The following CRELD2 variants were observed in gnomAD, a reference collection of about 807,000 sequenced individuals.
CRELD2 encodes CRELD disulfide isomerase 2, also known as protein disulfide isomerase CRELD2.
Under a neutral mutation model 48.1 loss-of-function variants are expected in CRELD2, and 33 were observed. The observed-to-expected ratio is 0.69, with a 90% CI of 0.52 to 0.92. The LOEUF (loss-of-function observed/expected upper bound fraction) is 0.92. Among genes scored for constraint, CRELD2 ranks in the 40% least tolerant of loss-of-function variants. The pLI is 0.00. For missense variants in CRELD2, 477 were observed against 482.4 expected, an observed-to-expected ratio of 0.99 and a Z score of 0.10; for synonymous variants, 220 against 203.9, an observed-to-expected ratio of 1.08 and a Z score of -0.67.
rs2060780041 is a variant in CRELD2 at position 49,927,388 on chromosome 22, G to C, written c.*81G>C. 1 of 1,171,334 alleles carries C rather than the reference G, an allele frequency of 8.5e-7. No homozygotes were observed. The highest frequency in any genetic ancestry group is 1.3e-6 in the Non-Finnish European group (1 of 779,158). The allele number at this position is 1,171,334 out of a possible 1,614,324, so 72.6% of individuals were successfully genotyped here. On this transcript the variant is annotated 3_prime_UTR_variant, in exon 10 of 10. Coordinates refer to ENST00000328268, the MANE Select transcript of CRELD2 (RefSeq NM_024324.5). ...CCTGAGGATGCCGTCTCCTGCAGTG[G>C]ACAGCGGCGGGGAGAGGCTGCCTGC... is the stretch of plus-strand genomic sequence containing the variant.
chr22:49,923,614 G>A (rs1191111748), intron 7 of CRELD2: 11 of 518,768 alleles, frequency 2.1e-5, no homozygotes, highest in South Asian at 1.0e-4. Context: ...TTTCCGCAGC[G>A]CCTGTCGGGT....
chr22:49,922,322 C>T (rs768318700), intron 5 of CRELD2: 1 of 1,238,818 alleles, frequency 8.1e-7, no homozygotes, highest in Non-Finnish European at 1.1e-6. Context: ...CCGATTCTTA[C>T]CCGCCTTGCT....
intron 9 of CRELD2, 126 bp downstream of exon 9, chr22:49,925,683 C>T (rs747063338): frequency 9.2e-6 from 14 of 1,522,670 alleles, no homozygotes; most frequent in African/African-American, 4.1e-5. Context: ...GGGGGATTCC[C>T]GGAAGACAGG....
Position 49,918,681 on chromosome 22 carries a change from G to T in CRELD2, c.-89G>T, listed in dbSNP as rs568599282. The T allele has an allele frequency of 3.3e-4, 147 of 440,882 alleles. No individual in the cohort carries two copies. The highest frequency in any genetic ancestry group is 5.0e-4 in the Non-Finnish European group (138 of 273,958). The allele number at this position is 440,882 out of a possible 1,614,324, so 27.3% of individuals were successfully genotyped here. A position where few individuals can be genotyped will look rare whatever the true frequency, so the allele number is the denominator to read the frequency against. On this transcript the variant is annotated 5_prime_UTR_variant, in exon 1 of 10. Transcript: ENST00000328268. ...GTAGCCTGGGGGACAGGCCGGCGCGGCTGGGAGCGGGTGGGCGGCCGGGAG... is the reference window on the plus strand; with the variant it reads ...GTAGCCTGGGGGACAGGCCGGCGCGTCTGGGAGCGGGTGGGCGGCCGGGAG...
chr22:49,921,572 G>T lies in CRELD2; in HGVS notation c.416-13G>T. The stretch of plus-strand genomic sequence containing the variant: ...CCAGGTGTGCTCTGAGCATGGTTTT[G>T]TGTCCCCTAAAGCATGCCAGGGCGG... On this transcript the variant is annotated splice_polypyrimidine_tract_variant and intron_variant, in intron 4 of 9. Transcript: ENST00000328268. 2 of 1,609,742 alleles carry T rather than the reference G, an allele frequency of 1.2e-6. No individual in the cohort carries two copies. The highest frequency in any genetic ancestry group is 1.7e-6 in the Non-Finnish European group (2 of 1,177,926).
intron 7 of CRELD2, 71 bp from the exon 8 acceptor site, chr22:49,924,289 G>T: frequency 1.8e-6 from 2 of 1,103,162 alleles, no homozygotes; most frequent in Non-Finnish European, 2.7e-6. Context: ...CCGGTGCCTT[G>T]TGCATGTCGG....
rs1001765080 is a variant in CRELD2, at chr22:49,922,750, C to G, written c.688+43C>G. On this transcript the variant is annotated intron_variant, in intron 6 of 9. Coordinates refer to ENST00000328268, the MANE Select transcript of CRELD2 (RefSeq NM_024324.5). ...GGTGGAGGAGGGCGCCTGCGTGAGG[C>G]GTGGGGGGTGTGAGATGGGGGCGTA... The G allele has an allele frequency of 1.8e-5, 13 of 741,702 alleles. No individual in the cohort carries two copies. The South Asian group carries it at 2.0e-4, about 11-fold the overall frequency. The allele number at this position is 741,702 out of a possible 1,614,324, so 45.9% of individuals were successfully genotyped here.
chr22:49,924,666 G>A (rs985618211), intron 8 of CRELD2: 4 of 420,394 alleles, frequency 9.5e-6, no homozygotes, highest in Non-Finnish European at 1.7e-5. Context: ...GCCGACCCTG[G>A]TGTGGATGGC....
At chr22:49,923,523 G>A (rs2060724607) in intron 7 of CRELD2, 4 of 679,284 alleles carry the variant, frequency 5.9e-6, no homozygotes, top group Non-Finnish European at 8.1e-6. Flanking sequence ...TAAAAACCCA[G>A]GAACTCCCTG....
chr22:49,924,086 G>T, intron 7 of CRELD2: 2 of 311,708 alleles, frequency 6.4e-6, no homozygotes, highest in Admixed American at 4.6e-5. Flanking sequence ...AGCTGGAGGT[G>T]GGTTTGTTTC....
chr22:49,923,329 G>A lies in CRELD2; in HGVS notation c.772+12G>A, dbSNP rs368284445. 70 of 1,425,798 alleles carry A rather than the reference G, an allele frequency of 4.9e-5. No individual in the cohort carries two copies. Among genetic ancestry groups the A allele is most frequent in the African/African-American group, 5.8e-5 (3 of 52,074 alleles). 88.3% of individuals were successfully genotyped at this position (1,425,798 alleles called of 1,614,324 possible). The stretch of plus-strand genomic sequence containing the variant: ...CTACACGTGCGAAGGTGGGCCAGGC[G>A]GGCGGGTCTGCACTCCGGGGCCTGC... On this transcript the variant is annotated intron_variant, in intron 7 of 9. Transcript: ENST00000328268.
chr22:49,926,797 T>TC (rs1324004726), intron 9 of CRELD2, among the ~76,000 whole-genome samples: 1 of 3,614 alleles, frequency 2.8e-4, no homozygotes, highest in African/African-American at 1.3e-3. Context: ...TGCCCCTCCC[T>TC]CCCCCCACCC....
At chr22:49,925,358 TA>T in intron 8 of CRELD2, 58 bp from the exon 9 acceptor site, 1 of 1,101,812 alleles carries the variant, frequency 9.1e-7, no homozygotes, top group Non-Finnish European at 1.3e-6. Context: ...ATGAATTTCA[TA>T]ATCCGCTGCG....
rs775052246 is a variant in CRELD2, at chr22:49,924,458, C to A, written c.868+3C>A. 6.3e-7 allele frequency: 1 copy of A among 1,597,560 alleles called. No homozygotes were observed. Among genetic ancestry groups the A allele is most frequent in the Non-Finnish European group, 8.5e-7 (1 of 1,170,612 alleles). On this transcript the variant is annotated splice_donor_region_variant and intron_variant, in intron 8 of 9. Coordinates refer to ENST00000328268, the MANE Select transcript of CRELD2 (RefSeq NM_024324.5). ...GAGGGAGCACGGACAGTGTGCAGGT[C>A]AGTGACGGGGTCTGTGCTGGACGCT...
At chr22:49,923,806 A>T in intron 7 of CRELD2, 1 of 265,916 alleles carries the variant, frequency 3.8e-6, no homozygotes, top group Non-Finnish European at 7.3e-6. Flanking sequence ...CACATTCCTT[A>T]TGATTTTCTG....
chr22:49,922,912 T>TGTGGGGGCGTGAG (rs1324044507), intron 6 of CRELD2, among the ~76,000 whole-genome samples: 7 of 15,130 alleles, frequency 4.6e-4, no homozygotes, highest in Admixed American at 4.6e-3. Flanking sequence ...GGGCGTGAGG[T>TGTGGGGGCGTGAG]GTGGGGGCGT....
At chr22:49,926,217 C>T (rs1052455961) in intron 9 of CRELD2, 1 of 152,512 alleles carries the variant, frequency 6.6e-6, no homozygotes. Flanking sequence ...CACTAATGCC[C>T]TCATGTTAAC....
At position 49,925,433 on chromosome 22, in the gene CRELD2, A is replaced by C; in HGVS notation, c.885A>C (p.Ser295=). The C allele has an allele frequency of 1.9e-6, 3 of 1,611,312 alleles. No individual in the cohort carries two copies. Among genetic ancestry groups the C allele is most frequent in the Non-Finnish European group, 2.5e-6 (3 of 1,177,876 alleles). The change falls in exon 9 of 10, where the codon TCA becomes TCC. Residue 295 remains serine, a synonymous_variant. Coordinates refer to ENST00000328268, the MANE Select transcript of CRELD2 (RefSeq NM_024324.5). The part of the protein sequence containing the change: ...HGQCADVDEC[S]LAEKTCVRKN... ...TCATTTTAGATGTGGACGAGTGCTCACTAGCAGAAAAAACCTGTGTGAGGA... is the reference window on the plus strand; with the variant it reads ...TCATTTTAGATGTGGACGAGTGCTCCCTAGCAGAAAAAACCTGTGTGAGGA...
Position 49,927,458 on chromosome 22 carries a change from C to T in CRELD2, c.*151C>T. On this transcript the variant is annotated 3_prime_UTR_variant, in exon 10 of 10. Transcript: ENST00000328268. ...ATTTGTCCCTTAAACAGCTGCATTT[C>T]TTGGTTGTTCTTAAACAGACTTGTA... 1 of 657,562 alleles carries T rather than the reference C, an allele frequency of 1.5e-6. No homozygotes were observed. Among genetic ancestry groups the T allele is most frequent in the South Asian group, 1.8e-5 (1 of 56,718 alleles). The allele number at this position is 657,562 out of a possible 1,614,324, so 40.7% of individuals were successfully genotyped here. A position where few individuals can be genotyped will look rare whatever the true frequency, so the allele number is the denominator to read the frequency against.
Sources: gnomAD v4.1 joint callset for allele counts (sites outside exome capture counted in the v4.1 genomes callset) on GRCh38, gnomAD v4.1.1 for gene constraint, MANE v1.5 for transcripts, NCBI Gene and HGNC (gene_info 2026-07-23, HGNC 2026-07-21) for gene names.